The following APPL1 variants were observed in gnomAD, a reference collection of about 807,000 sequenced individuals.
The protein encoded by APPL1 is DCC-interacting protein 13-alpha.
In APPL1, 42 loss-of-function variants were observed where a neutral mutation model predicts 106.8. The observed-to-expected ratio is 0.39, with a 90% CI of 0.31 to 0.51. The LOEUF (loss-of-function observed/expected upper bound fraction) is 0.51. APPL1 is among the 20% of genes least tolerant of loss of function. The probability of loss-of-function intolerance (pLI) is 0.75; values close to 1 mark genes in which losing one functional copy is unlikely to be tolerated. For synonymous variants in APPL1, 263 were observed against 281.8 expected (o/e 0.93, Z 0.67); for missense variants, 769 against 858.2 (o/e 0.90, Z 1.30).
intron 15 of APPL1, 79 bp downstream of exon 15, chr3:57,257,507 C>T (rs1451508723): frequency 1.2e-5 from 15 of 1,228,054 alleles, no homozygotes; most frequent in African/African-American, 1.5e-5. Context: ...AGAGTCATCT[C>T]TTATTTATAA....
intron 21 of APPL1, chr3:57,268,940 C>G (rs62251996): frequency 0.18 from 28,001 of 152,494 alleles, 2,895 homozygotes; most frequent in African/African-American, 0.25. Flanking sequence ...CAGAGCAAAA[C>G]TTGAAGAATG....
chr3:57,248,370 T>C lies in APPL1; in HGVS notation c.863+19T>C, dbSNP rs778761278. The C allele has an allele frequency of 5.0e-5, 80 of 1,609,568 alleles. 1 individual carries two copies. In the Admixed American group the frequency reaches 1.1e-3, roughly 22 times the overall value. ...CTAGGAAGTAAGAAAACTATTGTTA[T>C]TTTTGTATATTGTGTATCATGTAAG... On this transcript the variant is annotated intron_variant, in intron 10 of 21. Transcript: ENST00000288266.
intron 16 of APPL1, 102 bp from the exon 17 acceptor site, chr3:57,259,743 G>C: frequency 1.0e-6 from 1 of 967,410 alleles, no homozygotes; most frequent in Non-Finnish European, 1.5e-6. Flanking sequence ...CTAAAAGGAG[G>C]CAGTGTATTT....
intron 6 of APPL1, 42 bp downstream of exon 6, chr3:57,242,184 ATTTG>A (rs1048614871): frequency 1.3e-5 from 20 of 1,511,170 alleles, no homozygotes; most frequent in African/African-American, 6.9e-5. Flanking sequence ...GCAGTGATGT[ATTTG>A]TTTATCAGTG....
At chr3:57,265,383 C>T (rs776883139) in intron 19 of APPL1, among the ~76,000 whole-genome samples, 2 of 152,176 alleles carry the variant, frequency 1.3e-5, no homozygotes, top group Non-Finnish European at 2.9e-5. Context: ...CTCCTGGCCT[C>T]AAGTGATCCA....
chr3:57,272,617 T>C lies in APPL1; in HGVS notation c.*2930T>C, dbSNP rs2060950368. 1 of 152,240 alleles carries C rather than the reference T, an allele frequency of 6.6e-6. No individual in the cohort carries two copies. Among genetic ancestry groups the C allele is most frequent in the Non-Finnish European group, 1.5e-5 (1 of 68,090 alleles). 9.4% of individuals were successfully genotyped at this position (152,240 alleles called of 1,614,324 possible). On this transcript the variant is annotated 3_prime_UTR_variant, in exon 22 of 22. Transcript: ENST00000288266. ...TAAAATGAAAAAAAAAGTGTTTTTT[T>C]GAGACAGAGTCTTGCTCTGTTGCCC...
chr3:57,233,019 A>C (rs1479383214), intron 1 of APPL1, among the ~76,000 whole-genome samples: 1 of 152,084 alleles, frequency 6.6e-6, no homozygotes, highest in Admixed American at 6.6e-5. Flanking sequence ...ACCAAAAAAC[A>C]AAAAAACAAA....
Position 57,249,381 on chromosome 3 carries a change from T to C in APPL1, c.885T>C (p.Ser295=). The change falls in exon 11 of 22, where the codon TCT becomes TCC. Residue 295 remains serine (S), a synonymous_variant. Transcript: ENST00000288266. ...TCAGTAAAACAGGCTTGGTGTCATC[T>C]ACCTGGGACAGACAGTTTTACTTCA... is the stretch of plus-strand genomic sequence containing the variant. The part of the protein sequence containing the change: ...NARNKTGLVS[S]TWDRQFYFTQ... 2.5e-6 allele frequency: 4 copies of C among 1,614,212 alleles called. 1 individual carries two copies. In the South Asian group the frequency reaches 4.4e-5, roughly 18 times the overall value.
intron 13 of APPL1, among the ~76,000 whole-genome samples, chr3:57,254,115 G>A (rs959560265): frequency 1.3e-5 from 2 of 152,106 alleles, no homozygotes; most frequent in African/African-American, 2.4e-5. Context: ...TGGCCATCTC[G>A]GCCTCCCAAA....
intron 4 of APPL1, among the ~76,000 whole-genome samples, chr3:57,240,236 G>A (rs1337236066): frequency 6.7e-6 from 1 of 148,612 alleles, no homozygotes; most frequent in Non-Finnish European, 1.5e-5. Flanking sequence ...TGCTTTTAGT[G>A]TCATATGCAA....
intron 5 of APPL1, among the ~76,000 whole-genome samples, chr3:57,241,815 T>G (rs1274399093): frequency 1.3e-5 from 2 of 152,238 alleles, no homozygotes; most frequent in African/African-American, 4.8e-5. Flanking sequence ...ATTCTGGCAC[T>G]AAATCAGAAT....
At chr3:57,241,042 A>G (rs529154704) in intron 5 of APPL1, among the ~76,000 whole-genome samples, 1 of 152,342 alleles carries the variant, frequency 6.6e-6, no homozygotes, top group East Asian at 1.9e-4. Flanking sequence ...TGTTAGAGTG[A>G]GGCAGGAGAT....
At chr3:57,256,319 T>C (rs2060835883) in intron 13 of APPL1, among the ~76,000 whole-genome samples, 1 of 119,430 alleles carries the variant, frequency 8.4e-6, no homozygotes, top group Non-Finnish European at 1.7e-5. Context: ...GATCTCTAAT[T>C]TAAATACCAT....
At chr3:57,267,857 C>G (rs146167621) in intron 20 of APPL1, 65 bp downstream of exon 20, 2 of 1,544,780 alleles carry the variant, frequency 1.3e-6, no homozygotes, top group Non-Finnish European at 1.8e-6. Context: ...ATTGGGAGGC[C>G]GAGGCGGGCA....
At chr3:57,237,401 G>T in intron 2 of APPL1, 91 bp from the exon 3 acceptor site, 1 of 870,104 alleles carries the variant, frequency 1.1e-6, no homozygotes, top group Non-Finnish European at 1.8e-6. Flanking sequence ...CAATATTTAT[G>T]TTAAGTGATA....
chr3:57,231,487 AGT>A (rs937959901), intron 1 of APPL1, among the ~76,000 whole-genome samples: 1 of 151,326 alleles, frequency 6.6e-6, no homozygotes, highest in Admixed American at 6.6e-5. Flanking sequence ...TTGTTTGATT[AGT>A]TTTTAATTTT....
chr3:57,229,089 C>G (rs1401102946), intron 1 of APPL1, among the ~76,000 whole-genome samples: 1 of 152,206 alleles, frequency 6.6e-6, no homozygotes, highest in African/African-American at 2.4e-5. Flanking sequence ...TTGCCTGCTG[C>G]TAATGTACTC....
At chr3:57,263,896 G>T (rs1559514446) in intron 19 of APPL1, among the ~76,000 whole-genome samples, 2 of 151,876 alleles carry the variant, frequency 1.3e-5, no homozygotes, top group Non-Finnish European at 2.9e-5. Flanking sequence ...CTTTTTTTAG[G>T]TATATACCCA....
At chr3:57,240,865 A>G (rs2107599586) in intron 5 of APPL1, among the ~76,000 whole-genome samples, 1 of 152,340 alleles carries the variant, frequency 6.6e-6, no homozygotes, top group Non-Finnish European at 1.5e-5. Context: ...GGGGTCAGCA[A>G]GGCTTTACCC....
Sources: allele counts gnomAD v4.1 joint callset (sites outside exome capture counted in the v4.1 genomes callset), GRCh38; gene constraint gnomAD v4.1.1; transcripts MANE v1.5; gene names NCBI Gene and HGNC (gene_info 2026-07-23, HGNC 2026-07-21).